SYT1: variants seen among roughly 807,000 people sequenced by gnomAD.
SYT1 encodes synaptotagmin 1.
Under a neutral mutation model 44.8 loss-of-function variants are expected in SYT1, and 8 were observed. The ratio of observed to expected loss-of-function variants is 0.18; its 90% CI spans 0.10 to 0.32. The LOEUF is 0.32. Ranked by LOEUF, SYT1 falls within the 10% of genes least tolerant of loss-of-function variation. The pLI, the probability that SYT1 is intolerant of heterozygous loss-of-function variation, is 1.00. For synonymous variants in SYT1, 154 were observed against 188.8 expected, an observed-to-expected ratio of 0.82 and a Z score of 1.51; for missense variants, 286 against 509.3, an observed-to-expected ratio of 0.56 and a Z score of 4.22.
At chr12:79,338,293 T>C in intron 8 of SYT1, among the ~76,000 whole-genome samples, 1 of 151,748 alleles carries the variant, frequency 6.6e-6, no homozygotes, top group East Asian at 1.9e-4. Flanking sequence ...TTTTTCTTTT[T>C]TGAGACAGGA....
intron 3 of SYT1, among the ~76,000 whole-genome samples, chr12:79,075,241 T>A (rs528849526): frequency 1.3e-5 from 2 of 152,340 alleles, no homozygotes; most frequent in Non-Finnish European, 2.9e-5. Flanking sequence ...TTGAATTTCA[T>A]AGTGAATTTC....
At chr12:79,201,526 T>G (rs907924415) in intron 3 of SYT1, among the ~76,000 whole-genome samples, 1 of 152,280 alleles carries the variant, frequency 6.6e-6, no homozygotes, top group Admixed American at 6.5e-5. Flanking sequence ...GCTCAAAAAT[T>G]TGTTTAAAGT....
chr12:79,135,420 C>T (rs1046804190), intron 3 of SYT1, among the ~76,000 whole-genome samples: 2 of 152,060 alleles, frequency 1.3e-5, no homozygotes, highest in East Asian at 3.9e-4. Context: ...CTTCTAATAT[C>T]CTGCTAGTCA....
At position 79,047,302 on chromosome 12, in the gene SYT1, C is replaced by T. The variant is rs1211288438; in HGVS notation, c.-78C>T. On this transcript the variant is annotated 5_prime_UTR_variant, in exon 3 of 11. Transcript: ENST00000261205. ...ATATATTGTTTTCCTTTTAGAAAAA[C>T]AGAATAATTCTGAAAGAAAGAAAAC... 6.6e-6 allele frequency: 1 copy of T among 151,480 alleles called. No individual in the cohort carries two copies. The highest frequency in any genetic ancestry group is 1.5e-5 in the Non-Finnish European group (1 of 67,694). 9.4% of individuals were successfully genotyped at this position (151,480 alleles called of 1,614,324 possible). A position where few individuals can be genotyped will look rare whatever the true frequency, so the allele number is the denominator to read the frequency against.
intron 1 of SYT1, among the ~76,000 whole-genome samples, chr12:78,958,981 C>T (rs1233148381): frequency 3.3e-5 from 5 of 152,086 alleles, no homozygotes; most frequent in Non-Finnish European, 5.9e-5. Context: ...TTCAGTCAAT[C>T]CATTTAGTTA....
At chr12:78,915,684 C>A (rs995200885) in intron 1 of SYT1, among the ~76,000 whole-genome samples, 1 of 151,806 alleles carries the variant, frequency 6.6e-6, no homozygotes, top group Non-Finnish European at 1.5e-5. Context: ...AATAAGCTTA[C>A]AATATTTCTT....
chr12:79,023,854 C>CTA (rs1244326579), intron 2 of SYT1, among the ~76,000 whole-genome samples: 2 of 151,568 alleles, frequency 1.3e-5, no homozygotes, highest in Non-Finnish European at 2.9e-5. Flanking sequence ...AACTATTCAC[C>CTA]TATAGGTTAG....
chr12:79,001,636 G>A (rs1054344397), intron 2 of SYT1, among the ~76,000 whole-genome samples: 1 of 152,122 alleles, frequency 6.6e-6, no homozygotes, highest in African/African-American at 2.4e-5. Context: ...AGTGCTTTTA[G>A]AAAAATTGGA....
chr12:79,412,968 C>T (rs1042721931), intron 9 of SYT1, among the ~76,000 whole-genome samples: 4 of 152,038 alleles, frequency 2.6e-5, no homozygotes, highest in Non-Finnish European at 5.9e-5. Flanking sequence ...TTATATTTAG[C>T]CTTTTTTATT....
intron 4 of SYT1, among the ~76,000 whole-genome samples, chr12:79,260,150 T>C (rs985084067): frequency 1.2e-4 from 18 of 152,242 alleles, no homozygotes; most frequent in Non-Finnish European, 2.2e-4. Flanking sequence ...AGCAAAAGGC[T>C]GTTTCATTGA....
intron 9 of SYT1, among the ~76,000 whole-genome samples, chr12:79,381,623 T>A (rs992584896): frequency 2.0e-5 from 3 of 152,254 alleles, no homozygotes; most frequent in Admixed American, 6.5e-5. Context: ...TTTGTCGAGA[T>A]AATACCTACA....
chr12:79,349,695 C>G (rs900089812), intron 8 of SYT1, among the ~76,000 whole-genome samples: 8 of 152,028 alleles, frequency 5.3e-5, no homozygotes, highest in Admixed American at 2.0e-4. Flanking sequence ...TTCCAAGAAC[C>G]CTTTTAGTCC....
At chr12:79,145,088 G>A (rs1439082487) in intron 3 of SYT1, among the ~76,000 whole-genome samples, 1 of 152,140 alleles carries the variant, frequency 6.6e-6, no homozygotes, top group Non-Finnish European at 1.5e-5. Context: ...GAATATTAAT[G>A]AGGATCAAGC....
At chr12:79,394,091 A>G (rs1215002224) in intron 9 of SYT1, among the ~76,000 whole-genome samples, 1 of 152,218 alleles carries the variant, frequency 6.6e-6, no homozygotes, top group Non-Finnish European at 1.5e-5. Flanking sequence ...GGGCTGCATT[A>G]AAGACATAAT....
At chr12:78,969,871 C>T (rs1868335043) in intron 1 of SYT1, among the ~76,000 whole-genome samples, 2 of 152,136 alleles carry the variant, frequency 1.3e-5, no homozygotes, top group Admixed American at 6.6e-5. Flanking sequence ...TCAAGATTGT[C>T]TTCAAGGATA....
At chr12:79,174,186 C>T (rs1027950415) in intron 3 of SYT1, among the ~76,000 whole-genome samples, 1 of 152,074 alleles carries the variant, frequency 6.6e-6, no homozygotes, top group African/African-American at 2.4e-5. Context: ...AGGGTCATCA[C>T]TGGATGCTGA....
intron 9 of SYT1, among the ~76,000 whole-genome samples, chr12:79,365,662 T>C (rs1454162534): frequency 6.6e-6 from 1 of 152,090 alleles, no homozygotes; most frequent in East Asian, 1.9e-4. Context: ...ATTTACTTGC[T>C]GCTGCTTCTA....
chr12:79,374,247 A>C (rs1460815887), intron 9 of SYT1, among the ~76,000 whole-genome samples: 1 of 152,222 alleles, frequency 6.6e-6, no homozygotes, highest in Non-Finnish European at 1.5e-5. Flanking sequence ...CTGGGGTGCC[A>C]GAAGTAAATA....
chr12:79,073,176 A>G (rs1030182916), intron 3 of SYT1, among the ~76,000 whole-genome samples: 9 of 152,070 alleles, frequency 5.9e-5, no homozygotes, highest in African/African-American at 2.2e-4. Context: ...ATAATAGCTC[A>G]CTGCAGCCTT....
Sources: gnomAD v4.1 joint callset for allele counts (sites outside exome capture counted in the v4.1 genomes callset) on GRCh38, gnomAD v4.1.1 for gene constraint, MANE v1.5 for transcripts, NCBI Gene and HGNC (gene_info 2026-07-23, HGNC 2026-07-21) for gene names.